DST: variants seen among roughly 807,000 people sequenced by gnomAD.
DST encodes dystonin, also known as bullous pemphigoid antigen.
In DST, 253 loss-of-function variants were observed where a neutral mutation model predicts 875.2. The observed-to-expected ratio is 0.29, with a 90% CI of 0.26 to 0.32. The LOEUF (loss-of-function observed/expected upper bound fraction) is 0.32, where lower values mean the gene tolerates loss of function less well. DST is among the 10% of genes least tolerant of loss of function. The pLI, the probability that DST is intolerant of heterozygous loss-of-function variation, is 1.00. For synonymous variants in DST, 3,124 were observed against 3,197.1 expected (o/e 0.98, Z 0.77); for missense variants, 8,287 against 9,111.6 (o/e 0.91, Z 3.68).
In DST at chr6:56,630,213, T is replaced by C. The variant is rs764657435; in HGVS notation, c.4281+32A>G. The C allele has an allele frequency of 2.7e-6, 4 of 1,462,198 alleles. No individual in the cohort carries two copies. The Admixed American group carries it at 5.0e-5, about 18-fold the overall frequency. 90.6% of individuals were successfully genotyped at this position (1,462,198 alleles called of 1,614,324 possible). On this transcript the variant is annotated intron_variant, in intron 31 of 103. Transcript: ENST00000680361. ...CTAGAGAAATACTTGTAGAATACGA[T>C]ATTTAAAAATATCCAAAAGTGAGTC...
chr6:56,889,315 C>G (rs900135919), intron 3 of DST, among the ~76,000 whole-genome samples: 1 of 152,178 alleles, frequency 6.6e-6, no homozygotes, highest in African/African-American at 2.4e-5. Context: ...TTCCAATCCT[C>G]AATCCAAACC....
At chr6:56,843,139 C>G (rs1335729388) in intron 4 of DST, 3 of 1,566,308 alleles carry the variant, frequency 1.9e-6, no homozygotes, top group Non-Finnish European at 2.6e-6. Flanking sequence ...GAGAGGTAAC[C>G]CGCCATGCCG....
At position 56,605,481 on chromosome 6, in the gene DST, T is replaced by A; in HGVS notation, c.9147A>T (p.Ser3049=). Residue 3049 remains serine, a synonymous_variant, in exon 40 of 104, where the codon TCA becomes TCT. Coordinates refer to ENST00000680361, the MANE Select transcript of DST (RefSeq NM_001374736.1). ...KSDILIEDET[S]IQKMYLGEGE... is the part of the protein sequence containing the mutation. ...CTTCACCCAAGTACATTTTCTGAAT[T>A]GATGTTTCATCTTCTATTAGAATAT... is the stretch of plus-strand genomic sequence containing the variant. 6.2e-7 allele frequency: 1 copy of A among 1,613,012 alleles called. No individual in the cohort carries two copies. The highest frequency in any genetic ancestry group is 8.5e-7 in the Non-Finnish European group (1 of 1,179,336).
Position 56,560,405 on chromosome 6 carries a change from T to C in DST, c.14329A>G (p.Lys4777Glu). The change falls in exon 58 of 104, where the codon AAG becomes GAG. Residue 4777 changes from lysine to glutamate, a missense_variant. Physicochemically the swap from Lys to Glu is moderately conservative, Grantham distance 56 (BLOSUM62 1). This residue lies in a region of DST where 1,513 missense variants were observed against 1,677.8 expected (regional missense o/e 0.90). Transcript: ENST00000680361. ...TCCTGTACTTTGTTTACATTCTGCT[T>C]CAGTTCTGCCTCAAACGACTAACAA... is the stretch of plus-strand genomic sequence containing the variant. ...EQNKSFEAEL[K>E]QNVNKVQELK... 1 of 1,600,192 alleles carries C rather than the reference T, an allele frequency of 6.2e-7. No individual in the cohort carries two copies. Among genetic ancestry groups the C allele is most frequent in the South Asian group, 1.1e-5 (1 of 89,046 alleles).
At chr6:56,900,709 A>G in intron 2 of DST, 88 bp from the exon 3 acceptor site, 1 of 1,018,254 alleles carries the variant, frequency 9.8e-7, no homozygotes, top group South Asian at 1.5e-5. Flanking sequence ...AAGAGCTCCA[A>G]AAGTCACTAT....
In DST at chr6:56,943,281, C is replaced by T. The variant is rs548451792; in HGVS notation, c.216+10504G>A. 6.0e-5 allele frequency among the ~76,000 whole-genome samples: 9 copies of T among 151,102 alleles called. No homozygotes were observed. In the East Asian group the frequency reaches 7.8e-4, roughly 13 times the overall value. On this transcript the variant is annotated intron_variant, in intron 2 of 103. Coordinates refer to ENST00000680361, the MANE Select transcript of DST (RefSeq NM_001374736.1). ...TACTGGTTATAAGGTAAAATGGTTA[C>T]GAAATAATTCAGAATTATTTTTAGA...
At chr6:56,711,009 GA>G (rs2099361110) in intron 5 of DST, among the ~76,000 whole-genome samples, 1 of 148,206 alleles carries the variant, frequency 6.7e-6, no homozygotes, top group African/African-American at 2.7e-5. Flanking sequence ...AAATAATAGA[GA>G]GTTTTTTTTT....
chr6:56,916,778 T>TCACACACACACACA (rs70989742), intron 2 of DST, among the ~76,000 whole-genome samples: 26 of 91,346 alleles, frequency 2.8e-4, no homozygotes, highest in East Asian at 7.0e-4. Context: ...TCTCTCTCTC[T>TCACACACACACACA]CACACACACA....
intron 4 of DST, among the ~76,000 whole-genome samples, chr6:56,820,826 C>G (rs2099772253): frequency 6.6e-6 from 1 of 152,000 alleles, no homozygotes; most frequent in African/African-American, 2.4e-5. Flanking sequence ...GATGACAAAT[C>G]TAAATGTTAG....
intron 9 of DST, among the ~76,000 whole-genome samples, chr6:56,674,637 C>T (rs1030790863): frequency 6.6e-6 from 1 of 152,028 alleles, no homozygotes; most frequent in Non-Finnish European, 1.5e-5. Context: ...TAACAACAAC[C>T]TATCCAAAAC....
At chr6:56,537,241 A>G (rs1293496549) in intron 61 of DST, among the ~76,000 whole-genome samples, 1 of 152,246 alleles carries the variant, frequency 6.6e-6, no homozygotes, top group Non-Finnish European at 1.5e-5. Flanking sequence ...CTTCATTATC[A>G]TAGGATGAAA....
At chr6:56,628,850 G>A (rs2098754912) in intron 32 of DST, among the ~76,000 whole-genome samples, 1 of 152,106 alleles carries the variant, frequency 6.6e-6, no homozygotes, top group South Asian at 2.1e-4. Context: ...ATGAACATCA[G>A]GGCATTTCCA....
At chr6:56,679,688 C>T (rs1422207826) in intron 9 of DST, among the ~76,000 whole-genome samples, 7 of 151,836 alleles carry the variant, frequency 4.6e-5, no homozygotes, top group African/African-American at 1.7e-4. Context: ...GGGAGGATCA[C>T]CTGGGCCCAG....
At chr6:56,871,268 T>A (rs1399950036) in intron 3 of DST, 3 of 779,352 alleles carry the variant, frequency 3.8e-6, no homozygotes, top group Non-Finnish European at 7.1e-6. Context: ...GTGTTCACTT[T>A]AAGAACACTC....
chr6:56,529,843 T>C, intron 65 of DST, 69 bp from the exon 66 acceptor site: 1 of 1,454,796 alleles, frequency 6.9e-7, no homozygotes, highest in African/African-American at 1.4e-5. Context: ...AAAACATAAA[T>C]AAAACTAAAG....
chr6:56,755,101 C>T (rs569884548), intron 4 of DST, among the ~76,000 whole-genome samples: 2 of 151,144 alleles, frequency 1.3e-5, no homozygotes, highest in South Asian at 2.1e-4. Flanking sequence ...ATATTCCTTG[C>T]CATCAAGTCA....
At chr6:56,940,500 C>CA (rs1016200454) in intron 2 of DST, among the ~76,000 whole-genome samples, 74 of 150,722 alleles carry the variant, frequency 4.9e-4, no homozygotes, top group Non-Finnish European at 6.6e-4. Flanking sequence ...TTATATTTTT[C>CA]AAAAAAAATC....
intron 4 of DST, chr6:56,742,364 T>C (rs564048446): frequency 7.8e-7 from 1 of 1,289,628 alleles, no homozygotes; most frequent in Admixed American, 2.3e-5. Flanking sequence ...TGTGCAGCAG[T>C]TCCCTAAACT....
rs770587646 is a variant in DST at position 56,466,130 on chromosome 6, T to A, written c.22635A>T (p.Gly7545=). The A allele has an allele frequency of 6.2e-7, 1 of 1,613,404 alleles. No individual in the cohort carries two copies. Among genetic ancestry groups the A allele is most frequent in the South Asian group, 1.1e-5 (1 of 90,834 alleles). ...ILRSTVMVRV[G]GGWMALDEFL... ...ACTCATCAAGTGCCATCCATCCACC[T>A]CCAACACGAACCATCACAGTACTCC... The change falls in exon 99 of 104, where the codon GGA becomes GGT. Residue 7545 remains glycine (G), a synonymous_variant. Coordinates refer to ENST00000680361, the MANE Select transcript of DST (RefSeq NM_001374736.1).
Sources: allele counts gnomAD v4.1 joint callset (sites outside exome capture counted in the v4.1 genomes callset), GRCh38; gene constraint gnomAD v4.1.1; regional missense constraint gnomAD v4.1.1; transcripts MANE v1.5; gene names NCBI Gene and HGNC (gene_info 2026-07-23, HGNC 2026-07-21).